Variants in NTN1 observed in about 807,000 individuals in gnomAD.
The protein encoded by NTN1 is netrin-1.
A neutral mutation model predicts 54.2 loss-of-function variants in NTN1; 11 were observed. The ratio of observed to expected loss-of-function variants is 0.20; its 90% CI spans 0.13 to 0.34. The LOEUF (loss-of-function observed/expected upper bound fraction) is 0.34. NTN1 is among the 10% of genes least tolerant of loss of function. The pLI is 1.00. For missense variants in NTN1, 740 were observed against 893.1 expected (o/e 0.83, Z 2.18); for synonymous variants, 371 against 382.0 (o/e 0.97, Z 0.33).
intron 2 of NTN1, among the ~76,000 whole-genome samples, chr17:9,049,847 G>T (rs990395886): frequency 1.3e-5 from 2 of 152,218 alleles, no homozygotes; most frequent in South Asian, 4.1e-4. Flanking sequence ...TGTAGGATGG[G>T]TATGTAAGAG....
intron 2 of NTN1, among the ~76,000 whole-genome samples, chr17:9,034,204 G>A (rs148482522): frequency 6.6e-6 from 1 of 152,214 alleles, no homozygotes; most frequent in Non-Finnish European, 1.5e-5. Flanking sequence ...GATAGGGTGG[G>A]GAGTGTGAGG....
intron 2 of NTN1, among the ~76,000 whole-genome samples, chr17:9,150,730 G>T (rs758904050): frequency 1.3e-5 from 2 of 152,168 alleles, no homozygotes; most frequent in African/African-American, 4.8e-5. Flanking sequence ...AAAGCCTTAG[G>T]GGGAGGCATA....
chr17:9,077,605 T>G (rs970922195), intron 2 of NTN1, among the ~76,000 whole-genome samples: 1 of 152,140 alleles, frequency 6.6e-6, no homozygotes, highest in Non-Finnish European at 1.5e-5. Flanking sequence ...ATATGAATAA[T>G]AATAACAACA....
In NTN1 at chr17:9,179,953, A is replaced by G. The variant is rs925672779; in HGVS notation, c.1354A>G (p.Ile452Val). Residue 452 changes from isoleucine (I) to valine (V), a missense_variant, in exon 4 of 7, where the codon ATA becomes GTA. By Grantham distance (29) the Ile-to-Val change is conservative (BLOSUM62 3). Coordinates refer to ENST00000173229, the MANE Select transcript of NTN1 (RefSeq NM_004822.3). ...GAGCCGCTCTCCCATCGCCCCCTGC[A>G]TAAGTATGTGTGGGGCACCCTGCTT... ...QQSRSPIAPC[I>V]KIPVAPPTTA... is the part of the protein sequence containing the mutation. The G allele has an allele frequency of 5.0e-6, 8 of 1,612,646 alleles. No homozygotes were observed. The highest frequency in any genetic ancestry group is 4.0e-5 in the African/African-American group (3 of 74,926).
intron 2 of NTN1, among the ~76,000 whole-genome samples, chr17:9,105,696 GTC>G (rs995175694): frequency 6.6e-6 from 1 of 151,356 alleles, no homozygotes; most frequent in African/African-American, 2.4e-5. Context: ...CTGTCTCTCT[GTC>G]TCTCTCTGTT....
At chr17:9,181,627 A>T (rs538162259) in intron 4 of NTN1, among the ~76,000 whole-genome samples, 1 of 152,330 alleles carries the variant, frequency 6.6e-6, no homozygotes, top group Admixed American at 6.5e-5. Flanking sequence ...AAAGGAGCAG[A>T]GGATGCCTCC....
Position 9,162,937 on chromosome 17 carries a change from T to A in NTN1, c.1143T>A (p.His381Gln). The change falls in exon 3 of 7, where the codon CAT becomes CAA. Residue 381 changes from histidine (H) to glutamine (Q), a missense_variant. By Grantham distance (24) the His-to-Gln change is conservative. Coordinates refer to ENST00000173229, the MANE Select transcript of NTN1 (RefSeq NM_004822.3). ...CRHNTAGRHC[H>Q]YCKEGYYRDM... ...ACAACACCGCCGGCCGCCACTGCCATTACTGCAAGGAGGGCTACTACCGCG... is the reference window on the plus strand; with the variant it reads ...ACAACACCGCCGGCCGCCACTGCCAATACTGCAAGGAGGGCTACTACCGCG... 6.2e-7 allele frequency: 1 copy of A among 1,613,750 alleles called. No homozygotes were observed. The highest frequency in any genetic ancestry group is 8.5e-7 in the Non-Finnish European group (1 of 1,179,904).
chr17:9,007,970 C>T, the NTN1 span, among the ~76,000 whole-genome samples: 2 of 152,142 alleles, frequency 1.3e-5, no homozygotes, highest in South Asian at 2.1e-4. Context: ...TCTCAAACTC[C>T]TGGCCTCAAG....
At chr17:9,110,333 G>A (rs2092185886) in intron 2 of NTN1, among the ~76,000 whole-genome samples, 2 of 151,192 alleles carry the variant, frequency 1.3e-5, no homozygotes, top group African/African-American at 2.4e-5. Context: ...GCAGTGATGC[G>A]ATCTTGGCTC....
At chr17:9,164,411 C>T (rs747042150) in intron 3 of NTN1, among the ~76,000 whole-genome samples, 6 of 145,406 alleles carry the variant, frequency 4.1e-5, no homozygotes, top group Middle Eastern at 3.5e-3. Flanking sequence ...GGTGACAGAG[C>T]GAAACACTGT....
At chr17:9,036,162 G>A (rs2091902819) in intron 2 of NTN1, among the ~76,000 whole-genome samples, 1 of 152,140 alleles carries the variant, frequency 6.6e-6, no homozygotes, top group Admixed American at 6.5e-5. Context: ...TGGCTGGCCT[G>A]TTCAGCTTTA....
chr17:9,006,556 G>T, the NTN1 span, among the ~76,000 whole-genome samples: 4 of 152,168 alleles, frequency 2.6e-5, no homozygotes, highest in African/African-American at 9.7e-5. Flanking sequence ...GTGAGATTTT[G>T]ATGATGGCAA....
chr17:9,144,572 G>A (rs970251300), intron 2 of NTN1, among the ~76,000 whole-genome samples: 19 of 152,144 alleles, frequency 1.2e-4, no homozygotes, highest in African/African-American at 4.6e-4. Flanking sequence ...TGGGCTGAGT[G>A]TTTTATGGGC....
rs575150996 is a variant in NTN1, at chr17:9,122,322, C to T, written c.1019-40491C>T. Reference sequence around the variant, plus strand: ...GTGCTGGGATTACAGGCGTGAGCCACCACACCCAGCCCTCTGAGTTACATT... The same window carrying T: ...GTGCTGGGATTACAGGCGTGAGCCATCACACCCAGCCCTCTGAGTTACATT... On this transcript the variant is annotated intron_variant, in intron 2 of 6. Transcript: ENST00000173229. Among the ~76,000 whole-genome samples the T allele has an allele frequency of 7.2e-5, 11 of 152,354 alleles. No individual in the cohort carries two copies. In the East Asian group the frequency reaches 1.9e-3, roughly 27 times the overall value.
chr17:9,175,012 GC>G (rs1428295967), intron 3 of NTN1: 3 of 152,400 alleles, frequency 2.0e-5, no homozygotes, highest in Non-Finnish European at 2.9e-5. Context: ...TGAAGGTCCT[GC>G]CTGACCTCAA....
At chr17:9,055,923 G>A (rs971769745) in intron 2 of NTN1, among the ~76,000 whole-genome samples, 1 of 151,440 alleles carries the variant, frequency 6.6e-6, no homozygotes, top group African/African-American at 2.4e-5. Flanking sequence ...TTGAGACCGA[G>A]TTTCGCTCTT....
chr17:9,228,873 T>A (rs1172075911), intron 6 of NTN1, among the ~76,000 whole-genome samples: 1 of 12,254 alleles, frequency 8.2e-5, no homozygotes, highest in African/African-American at 3.2e-4. Context: ...AGAGTGTGTC[T>A]GTGTGTGACT....
At chr17:9,025,927 TA>T (rs2091869165) in intron 2 of NTN1, among the ~76,000 whole-genome samples, 1 of 152,216 alleles carries the variant, frequency 6.6e-6, no homozygotes, top group African/African-American at 2.4e-5. Context: ...CCTCCCAACA[TA>T]ATCTCTTCTT....
chr17:9,149,973 G>A (rs565190950), intron 2 of NTN1, among the ~76,000 whole-genome samples: 1 of 152,264 alleles, frequency 6.6e-6, no homozygotes, highest in East Asian at 1.9e-4. Flanking sequence ...AGGTCGAGGA[G>A]GGTGCATCAT....
Sources: allele counts gnomAD v4.1 joint callset (sites outside exome capture counted in the v4.1 genomes callset), GRCh38; gene constraint gnomAD v4.1.1; transcripts MANE v1.5; gene names NCBI Gene and HGNC (gene_info 2026-07-23, HGNC 2026-07-21).